The following MEF2C variants were observed in gnomAD, a reference collection of about 807,000 sequenced individuals.
The protein encoded by MEF2C is myocyte enhancer factor 2C, also known as myocyte-specific enhancer factor 2C.
Under a neutral mutation model 50.5 loss-of-function variants are expected in MEF2C, and 6 were observed. That is an observed-to-expected ratio of 0.12 (90% CI 0.07 to 0.23). The LOEUF is 0.23. Among genes scored for constraint, MEF2C ranks in the 10% least tolerant of loss-of-function variants. MEF2C has a pLI of 1.00. For synonymous variants in MEF2C, 183 were observed against 228.0 expected, an observed-to-expected ratio of 0.80 and a Z score of 1.78; for missense variants, 276 against 605.0, an observed-to-expected ratio of 0.46 and a Z score of 5.70.
intron 1 of MEF2C, among the ~76,000 whole-genome samples, chr5:88,846,596 AAC>A (rs1466014040): frequency 6.6e-6 from 1 of 152,226 alleles, no homozygotes; most frequent in Admixed American, 6.5e-5. Context: ...ATATCATTCA[AAC>A]ACAGTTTATC....
At chr5:88,799,875 C>CACAT (rs1562105357) in intron 3 of MEF2C, among the ~76,000 whole-genome samples, 12 of 79,280 alleles carry the variant, frequency 1.5e-4, no homozygotes, top group African/African-American at 5.3e-4. Context: ...CTCTCTCACA[C>CACAT]ACACACACAC....
chr5:88,758,932 T>G (rs973224722), intron 4 of MEF2C, among the ~76,000 whole-genome samples: 1 of 152,242 alleles, frequency 6.6e-6, no homozygotes, highest in African/African-American at 2.4e-5. Context: ...TCTCTCTCCC[T>G]AAAGTATGAG....
At chr5:88,781,802 G>A (rs1386447541) in intron 3 of MEF2C, among the ~76,000 whole-genome samples, 3 of 152,014 alleles carry the variant, frequency 2.0e-5, no homozygotes, top group Non-Finnish European at 4.4e-5. Context: ...GTGAAACCCC[G>A]TATCTACTAA....
chr5:88,890,085 C>G (rs1834378025), intron 1 of MEF2C, among the ~76,000 whole-genome samples: 1 of 152,180 alleles, frequency 6.6e-6, no homozygotes, highest in Non-Finnish European at 1.5e-5. Context: ...GGGCCCCAAA[C>G]TGGATTTTAT....
chr5:88,854,293 G>A (rs1822468643), intron 1 of MEF2C, among the ~76,000 whole-genome samples: 1 of 152,102 alleles, frequency 6.6e-6, no homozygotes, highest in Non-Finnish European at 1.5e-5. Context: ...AGCAGATGTG[G>A]TGCAAAAAAT....
chr5:88,787,002 T>C (rs1295732832), intron 3 of MEF2C, among the ~76,000 whole-genome samples: 2 of 152,246 alleles, frequency 1.3e-5, no homozygotes, highest in Non-Finnish European at 2.9e-5. Context: ...TAGCAAATGA[T>C]CTTCATGTCC....
At chr5:88,864,313 C>T (rs1581724743) in intron 1 of MEF2C, among the ~76,000 whole-genome samples, 1 of 151,288 alleles carries the variant, frequency 6.6e-6, no homozygotes, top group Non-Finnish European at 1.5e-5. Flanking sequence ...TCAATATATA[C>T]AGTTATTATA....
intron 1 of MEF2C, among the ~76,000 whole-genome samples, chr5:88,826,359 T>A (rs1234012784): frequency 2.0e-5 from 3 of 152,010 alleles, no homozygotes; most frequent in Admixed American, 6.6e-5. Flanking sequence ...GTATAAATAT[T>A]TCTTGAGGTA....
chr5:88,719,990 T>G lies in MEF2C; in HGVS notation c.*2614A>C, dbSNP rs974608699. On this transcript the variant is annotated 3_prime_UTR_variant, in exon 11 of 11. Transcript: ENST00000504921. ...CTTTTTCTTTGTTGCTGAGGCAAAT[T>G]GCAGGTTAAAAAACTAATATGGCTA... The G allele has an allele frequency of 6.6e-6, 1 of 152,200 alleles. No individual in the cohort carries two copies. The highest frequency in any genetic ancestry group is 2.4e-5 in the African/African-American group (1 of 41,466). 9.4% of individuals were successfully genotyped at this position (152,200 alleles called of 1,614,324 possible). A position where few individuals can be genotyped will look rare whatever the true frequency, so the allele number is the denominator to read the frequency against.
At chr5:88,774,393 G>C (rs1421357201) in intron 3 of MEF2C, among the ~76,000 whole-genome samples, 1 of 150,926 alleles carries the variant, frequency 6.6e-6, no homozygotes, top group Non-Finnish European at 1.5e-5. Context: ...GGCGATCTCG[G>C]CTCACTGCAA....
intron 1 of MEF2C, among the ~76,000 whole-genome samples, chr5:88,874,613 C>T (rs1421071031): frequency 1.3e-5 from 2 of 151,848 alleles, no homozygotes; most frequent in East Asian, 3.9e-4. Flanking sequence ...AATTTCTTAA[C>T]AATTTATCGG....
At chr5:88,849,890 C>T (rs1820662005) in intron 1 of MEF2C, among the ~76,000 whole-genome samples, 1 of 152,086 alleles carries the variant, frequency 6.6e-6, no homozygotes, top group Non-Finnish European at 1.5e-5. Context: ...CTAGACCTTC[C>T]TCTCAAAAGG....
chr5:88,734,634 A>G, intron 6 of MEF2C: 1 of 969,242 alleles, frequency 1.0e-6, no homozygotes, highest in African/African-American at 1.9e-5. Flanking sequence ...AGAAATTCCA[A>G]CAAAGCCTAT....
chr5:88,862,527 T>C (rs1322818962), intron 1 of MEF2C, among the ~76,000 whole-genome samples: 1 of 152,200 alleles, frequency 6.6e-6, no homozygotes, highest in African/African-American at 2.4e-5. Context: ...TCTTTAGTTT[T>C]ATTCTTTTAG....
At chr5:88,732,048 AC>A in intron 6 of MEF2C, 147 bp from the exon 7 acceptor site, 1 of 730,160 alleles carries the variant, frequency 1.4e-6, no homozygotes, top group Non-Finnish European at 2.2e-6. Flanking sequence ...CCTCCATGGG[AC>A]AAGTAACCCA....
intron 3 of MEF2C, 65 bp from the exon 4 acceptor site, chr5:88,761,393 A>T (rs1045859964): frequency 1.3e-6 from 2 of 1,536,776 alleles, no homozygotes; most frequent in African/African-American, 1.4e-5. Flanking sequence ...CAGGGGCATT[A>T]AAGAAGTTCA....
intron 1 of MEF2C, among the ~76,000 whole-genome samples, chr5:88,895,900 A>G (rs763238269): frequency 4.1e-4 from 62 of 152,240 alleles, no homozygotes; most frequent in Non-Finnish European, 8.1e-4. Context: ...TTGTGCAATC[A>G]CTTTAAATGA....
intron 1 of MEF2C, among the ~76,000 whole-genome samples, chr5:88,860,615 C>T (rs1480908720): frequency 1.3e-5 from 2 of 152,124 alleles, no homozygotes. Flanking sequence ...AGCTGCCCCG[C>T]TCAGCAGAGC....
At chr5:88,735,489 A>T in intron 6 of MEF2C, 2 of 985,262 alleles carry the variant, frequency 2.0e-6, no homozygotes, top group Admixed American at 1.2e-4. Context: ...ATTATAGATT[A>T]TAAGAAAATG....
Sources: allele counts gnomAD v4.1 joint callset (sites outside exome capture counted in the v4.1 genomes callset), GRCh38; gene constraint gnomAD v4.1.1; transcripts MANE v1.5; gene names NCBI Gene and HGNC (gene_info 2026-07-23, HGNC 2026-07-21).